ACSBG1: variants seen among roughly 807,000 people sequenced by gnomAD.
ACSBG1 encodes long-chain-fatty-acid--CoA ligase ACSBG1.
In ACSBG1, 39 loss-of-function variants were observed where a neutral mutation model predicts 80.2. The observed-to-expected ratio is 0.49, with a 90% confidence interval of 0.38 to 0.64. ACSBG1 has a LOEUF of 0.64. Ranked by LOEUF, ACSBG1 falls within the 30% of genes least tolerant of loss-of-function variation. The probability of loss-of-function intolerance (pLI) is 0.00; values close to 1 mark genes in which losing one functional copy is unlikely to be tolerated. For missense variants in ACSBG1, 828 were observed against 966.4 expected (o/e 0.86, Z 1.90); for synonymous variants, 392 against 379.5 (o/e 1.03, Z -0.38).
intron 1 of ACSBG1, among the ~76,000 whole-genome samples, chr15:78,215,784 AAGAG>A (rs1284722394): frequency 3.7e-5 from 5 of 136,286 alleles, no homozygotes; most frequent in African/African-American, 1.4e-4. Flanking sequence ...GAAAGAAAGA[AAGAG>A]AAAGAAAGAG....
At chr15:78,221,103 CGA>C (rs2075356438) in intron 1 of ACSBG1, among the ~76,000 whole-genome samples, 1 of 152,106 alleles carries the variant, frequency 6.6e-6, no homozygotes. Flanking sequence ...TGAGGAGGGA[CGA>C]GAGACTGAGA....
chr15:78,227,205 C>T (rs1456468935), intron 1 of ACSBG1, among the ~76,000 whole-genome samples: 4 of 110,536 alleles, frequency 3.6e-5, no homozygotes, highest in East Asian at 5.1e-4. Flanking sequence ...GGTGACAGAG[C>T]GAGACCCTGT....
chr15:78,193,571 C>G lies in ACSBG1; in HGVS notation c.598G>C (p.Ala200Pro). Residue 200 changes from alanine to proline, a missense_variant, in exon 5 of 14, where the codon GCT becomes CCT. Ala to Pro is a conservative substitution (Grantham distance 27). Coordinates refer to ENST00000258873, the MANE Select transcript of ACSBG1 (RefSeq NM_015162.5). ...ATGACATTGGCGCAGCAGTCATAAG[C>G]GATGTACTGGCAGGCCTCTGGGGAG... ...TSSPEACQYI[A>P]YDCCANVIMV... The G allele has an allele frequency of 6.2e-7, 1 of 1,613,826 alleles. No homozygotes were observed. Among genetic ancestry groups the G allele is most frequent in the Non-Finnish European group, 8.5e-7 (1 of 1,179,820 alleles).
chr15:78,194,558 G>A lies in ACSBG1; in HGVS notation c.401C>T (p.Ser134Phe), dbSNP rs2075093239. ...FKRQDKWEHI[S>F]YSQYYLLARR... ...GGCGAGCAGGTAGTATTGGGAGTAG[G>A]AGATGTGTTCCCACTTGTCCTGGCG... Residue 134 changes from serine to phenylalanine, a missense_variant, in exon 3 of 14, where the codon TCC becomes TTC. This residue lies in a region of ACSBG1 where 356 missense variants were observed against 363.5 expected (regional missense o/e 0.98). Transcript: ENST00000258873. The A allele has an allele frequency of 1.9e-6, 3 of 1,614,248 alleles. No homozygotes were observed. The highest frequency in any genetic ancestry group is 2.2e-5 in the East Asian group (1 of 44,878).
At chr15:78,194,376 A>G (rs2075091056) in intron 3 of ACSBG1, 130 bp downstream of exon 3, 2 of 858,896 alleles carry the variant, frequency 2.3e-6, no homozygotes, top group Non-Finnish European at 3.6e-6. Context: ...CCCACGCACA[A>G]TGACAGCTTT....
intron 1 of ACSBG1, among the ~76,000 whole-genome samples, chr15:78,223,400 A>C (rs967971216): frequency 4.6e-5 from 7 of 152,174 alleles, no homozygotes; most frequent in African/African-American, 1.7e-4. Flanking sequence ...CCTATGTAAC[A>C]AACCTGCACA....
intron 1 of ACSBG1, among the ~76,000 whole-genome samples, chr15:78,232,791 TCTC>T (rs1419975845): frequency 6.6e-6 from 1 of 151,998 alleles, no homozygotes; most frequent in Middle Eastern, 3.2e-3. Flanking sequence ...TTCAAGCAAT[TCTC>T]CTGCCTCAGC....
chr15:78,209,337 C>T (rs576758208), intron 1 of ACSBG1: 132 of 441,560 alleles, frequency 3.0e-4, no homozygotes, highest in African/African-American at 2.5e-3. Flanking sequence ...ACCAAGGTGG[C>T]GCCGTTCTTG....
rs574260113 is a variant in ACSBG1, at chr15:78,173,826, G to C, written c.1856C>G (p.Pro619Arg). Residue 619 changes from proline (P) to arginine (R), a missense_variant, in exon 13 of 14, where the codon CCA (proline) becomes CGA (arginine). Pro to Arg is a moderately radical substitution (Grantham distance 103, BLOSUM62 -2). Transcript: ENST00000258873. ...MLLTLKCTLD[P>R]DTSDQTDNLT... The stretch of plus-strand genomic sequence containing the variant: ...ATTATCAGTCTGGTCAGAGGTGTCT[G>C]GGTCCAGAGTGCACTGAAAAGCCAG... 6.2e-7 allele frequency: 1 copy of C among 1,613,926 alleles called. No individual in the cohort carries two copies. Among genetic ancestry groups the C allele is most frequent in the Non-Finnish European group, 8.5e-7 (1 of 1,179,970 alleles).
At chr15:78,194,856 G>C in intron 2 of ACSBG1, 130 bp from the exon 3 acceptor site, 1 of 728,500 alleles carries the variant, frequency 1.4e-6, no homozygotes, top group East Asian at 2.7e-5. Context: ...TGGCAGGCCA[G>C]GGTAGACTGG....
At position 78,173,810 on chromosome 15, in the gene ACSBG1, C is replaced by T. The variant is rs900473706; in HGVS notation, c.1872G>A (p.Gln624=). 1.2e-6 allele frequency: 2 copies of T among 1,614,098 alleles called. No individual in the cohort carries two copies. Among genetic ancestry groups the T allele is most frequent in the African/African-American group, 2.7e-5 (2 of 75,062 alleles). The change falls in exon 13 of 14, where the codon CAG becomes CAA. Residue 624 remains glutamine (Q), a synonymous_variant. Transcript: ENST00000258873. The part of the protein sequence containing the change: ...KCTLDPDTSD[Q]TDNLTEQAME... ...TAGCTTGTTCAGTCAGATTATCAGT[C>T]TGGTCAGAGGTGTCTGGGTCCAGAG...
intron 2 of ACSBG1, among the ~76,000 whole-genome samples, chr15:78,199,082 C>T (rs180882143): frequency 2.0e-5 from 3 of 152,086 alleles, no homozygotes; most frequent in East Asian, 1.9e-4. Context: ...CATGGAACAG[C>T]GCAATATTTT....
chr15:78,222,467 C>A (rs1016916283), intron 1 of ACSBG1, among the ~76,000 whole-genome samples: 1 of 152,064 alleles, frequency 6.6e-6, no homozygotes. Flanking sequence ...AGTTCAAGAC[C>A]AGCTGGGCAA....
chr15:78,180,724 C>G (rs2074933546), intron 9 of ACSBG1, 31 bp downstream of exon 9: 1 of 1,604,894 alleles, frequency 6.2e-7, no homozygotes, highest in Middle Eastern at 1.7e-4. Context: ...CCACTCTCTC[C>G]CCAGGCCTCC....
At chr15:78,219,788 T>C (rs2075345704) in intron 1 of ACSBG1, among the ~76,000 whole-genome samples, 1 of 152,092 alleles carries the variant, frequency 6.6e-6, no homozygotes, top group Admixed American at 6.5e-5. Context: ...ATCAAGACCA[T>C]CCTGGCTAAC....
chr15:78,220,143 G>A (rs1191103884), intron 1 of ACSBG1, among the ~76,000 whole-genome samples: 1 of 152,186 alleles, frequency 6.6e-6, no homozygotes, highest in Non-Finnish European at 1.5e-5. Flanking sequence ...CAGATATATA[G>A]GTGAATGAAA....
chr15:78,198,681 C>T (rs968142152), intron 2 of ACSBG1, among the ~76,000 whole-genome samples: 11 of 152,322 alleles, frequency 7.2e-5, no homozygotes, highest in African/African-American at 2.4e-4. Context: ...AATATGCATA[C>T]TTGTTCCAAG....
At chr15:78,182,644 C>G in intron 6 of ACSBG1, 29 bp from the exon 7 acceptor site, 1 of 1,613,814 alleles carries the variant, frequency 6.2e-7, no homozygotes, top group Non-Finnish European at 8.5e-7. Flanking sequence ...AGCAGGCAGG[C>G]TAGGTCAGCT....
chr15:78,207,925 A>ACCCCCCCCCCCCCCCCCCCCCCCCCC, intron 2 of ACSBG1, 77 bp downstream of exon 2: 2 of 454,978 alleles, frequency 4.4e-6, no homozygotes, highest in East Asian at 6.1e-5. Flanking sequence ...GGTCCCCCAC[A>ACCCCCCCCCCCCCCCCCCCCCCCCCC]CCACCCACCC....
Sources: gnomAD v4.1 joint callset for allele counts (sites outside exome capture counted in the v4.1 genomes callset) on GRCh38, gnomAD v4.1.1 for gene constraint, gnomAD v4.1.1 regional missense constraint, MANE v1.5 for transcripts, NCBI Gene and HGNC (gene_info 2026-07-23, HGNC 2026-07-21) for gene names.